The following GRIA1 variants were observed in gnomAD, a reference collection of about 807,000 sequenced individuals.
GRIA1 encodes the protein glutamate ionotropic receptor AMPA type subunit 1.
GRIA1 carries 31 observed loss-of-function variants against 99.2 expected under a neutral mutation model. The ratio of observed to expected loss-of-function variants is 0.31; its 90% CI spans 0.23 to 0.42. GRIA1 has a LOEUF of 0.42. GRIA1 is among the 10% of genes least tolerant of loss of function. The probability of loss-of-function intolerance (pLI) is 1.00; values close to 1 mark genes in which losing one functional copy is unlikely to be tolerated. For synonymous variants in GRIA1, 438 were observed against 432.4 expected (o/e 1.01, Z -0.16); for missense variants, 782 against 1,157.5 (o/e 0.68, Z 4.71).
At chr5:153,703,358 T>C in intron 10 of GRIA1, among the ~76,000 whole-genome samples, 1 of 152,364 alleles carries the variant, frequency 6.6e-6, no homozygotes, top group Admixed American at 6.5e-5. Flanking sequence ...AGCATGTTTA[T>C]TTTTATGTTA....
chr5:153,631,166 G>A (rs756045280), intron 2 of GRIA1, among the ~76,000 whole-genome samples: 2 of 152,298 alleles, frequency 1.3e-5, no homozygotes, highest in Middle Eastern at 3.4e-3. Flanking sequence ...TCAAAAATTT[G>A]TCCTAAAAGG....
chr5:153,569,025 A>C (rs1276930236), intron 2 of GRIA1, among the ~76,000 whole-genome samples: 1 of 152,136 alleles, frequency 6.6e-6, no homozygotes, highest in African/African-American at 2.4e-5. Flanking sequence ...TTGCCTACCC[A>C]GGTTCTACGG....
chr5:153,778,592 A>G (rs766928375), intron 13 of GRIA1, among the ~76,000 whole-genome samples: 3 of 151,884 alleles, frequency 2.0e-5, no homozygotes, highest in Non-Finnish European at 4.4e-5. Flanking sequence ...GTAAGGAGGG[A>G]AATTATGAGG....
At chr5:153,749,088 A>G (rs553401526) in intron 11 of GRIA1, among the ~76,000 whole-genome samples, 1 of 152,278 alleles carries the variant, frequency 6.6e-6, no homozygotes, top group African/African-American at 2.4e-5. Flanking sequence ...AGCAACGGAG[A>G]CAACCAGCAA....
At chr5:153,630,244 A>T (rs937850090) in intron 2 of GRIA1, among the ~76,000 whole-genome samples, 2 of 140,996 alleles carry the variant, frequency 1.4e-5, no homozygotes, top group Non-Finnish European at 3.2e-5. Flanking sequence ...TGTTAGAAAT[A>T]ATAATGATAA....
rs929722837 is a variant in GRIA1, at chr5:153,655,737, T to A, written c.646-82T>A. The A allele has an allele frequency of 1.0e-5, 12 of 1,162,118 alleles. No homozygotes were observed. In the Admixed American group the frequency reaches 1.5e-4, roughly 15 times the overall value. The allele number at this position is 1,162,118 out of a possible 1,614,324, so 72.0% of individuals were successfully genotyped here. On this transcript the variant is annotated intron_variant, in intron 4 of 15. Coordinates refer to ENST00000285900, the MANE Select transcript of GRIA1 (RefSeq NM_000827.4). ...GGTAGGGCACATTGTAAGCACTCGA[T>A]ATCAGCTGCCGTTATTACTGTTGTT...
intron 10 of GRIA1, among the ~76,000 whole-genome samples, chr5:153,704,658 C>T (rs2149519615): frequency 6.6e-6 from 1 of 152,248 alleles, no homozygotes; most frequent in African/African-American, 2.4e-5. Flanking sequence ...GCTATTATTC[C>T]CATGGTTCCC....
chr5:153,504,347 C>CAT (rs35701544), intron 2 of GRIA1, among the ~76,000 whole-genome samples: 30,786 of 149,322 alleles, frequency 0.21, 3,210 homozygotes, highest in Middle Eastern at 0.41. Flanking sequence ...GTCTATTAAG[C>CAT]ATATATATAT....
Position 153,734,897 on chromosome 5 carries a change from C to A in GRIA1, c.1823+28830C>A, listed in dbSNP as rs142165440. Among the ~76,000 whole-genome samples the A allele has an allele frequency of 8.5e-3, 1,295 of 152,232 alleles. 7 individuals are homozygous for A. Among genetic ancestry groups the A allele is most frequent in the South Asian group, 0.014 (67 of 4,824 alleles). ...GGGAAACCATTTAAAAGTTTCCAGC[C>A]AGAGAGCAATTTGATCTGATTTACA... On this transcript the variant is annotated intron_variant, in intron 11 of 15. Transcript: ENST00000285900.
intron 6 of GRIA1, among the ~76,000 whole-genome samples, chr5:153,676,065 G>C (rs1230493128): frequency 1.3e-5 from 2 of 152,104 alleles, no homozygotes; most frequent in Non-Finnish European, 2.9e-5. Flanking sequence ...CACCGTGTTA[G>C]CCAGGATGGT....
intron 3 of GRIA1, 78 bp from the exon 4 acceptor site, chr5:153,650,252 G>A (rs921100613): frequency 9.4e-6 from 12 of 1,275,764 alleles, no homozygotes; most frequent in African/African-American, 7.4e-5. Flanking sequence ...GCCAGGGGAG[G>A]TAGGTGCCTG....
intron 11 of GRIA1, among the ~76,000 whole-genome samples, chr5:153,741,104 G>C (rs1469725822): frequency 1.3e-5 from 2 of 150,376 alleles, no homozygotes; most frequent in Non-Finnish European, 2.9e-5. Context: ...AGCCTCCCGA[G>C]TAGCTGGGAC....
chr5:153,525,910 T>A (rs963615093), intron 2 of GRIA1, among the ~76,000 whole-genome samples: 1 of 152,228 alleles, frequency 6.6e-6, no homozygotes, highest in Non-Finnish European at 1.5e-5. Context: ...CGCAACTTTG[T>A]TATCTGTGAT....
At position 153,686,254 on chromosome 5, in the gene GRIA1, G is replaced by A. The variant is rs1475918155; in HGVS notation, c.1059G>A (p.Val353=). ...QVRFEGLTGN[V]QFNEKGRRTN... is the part of the protein sequence containing the mutation. ...GATTTGAAGGTTTAACAGGAAACGT[G>A]CAGTTTAATGAGAAAGGACGCCGGA... is the stretch of plus-strand genomic sequence containing the variant. Residue 353 remains valine, a synonymous_variant, in exon 8 of 16, where the codon GTG becomes GTA. Transcript: ENST00000285900. The A allele has an allele frequency of 5.6e-6, 9 of 1,613,958 alleles. No individual in the cohort carries two copies. In the East Asian group the frequency reaches 1.8e-4, roughly 32 times the overall value.
intron 2 of GRIA1, among the ~76,000 whole-genome samples, chr5:153,515,770 C>G (rs1756563005): frequency 6.6e-6 from 1 of 152,130 alleles, no homozygotes; most frequent in Non-Finnish European, 1.5e-5. Context: ...TTTAAAAAGG[C>G]TATTTTTCTT....
chr5:153,770,522 G>A (rs1263299389), intron 13 of GRIA1, 107 bp downstream of exon 13: 5 of 1,080,382 alleles, frequency 4.6e-6, no homozygotes, highest in Non-Finnish European at 6.8e-6. Context: ...GCAAGCTGTT[G>A]AGGGGGCTCT....
At chr5:153,716,681 C>G (rs1303461702) in intron 11 of GRIA1, among the ~76,000 whole-genome samples, 2 of 152,022 alleles carry the variant, frequency 1.3e-5, no homozygotes, top group African/African-American at 2.4e-5. Flanking sequence ...TCAGCTTCAG[C>G]TGGGAAGGGA....
intron 2 of GRIA1, among the ~76,000 whole-genome samples, chr5:153,606,835 A>T (rs940430597): frequency 6.6e-6 from 1 of 151,450 alleles, no homozygotes; most frequent in African/African-American, 2.4e-5. Flanking sequence ...TTCCTTGCCA[A>T]CTTGACCATA....
At chr5:153,749,092 C>G (rs188649763) in intron 11 of GRIA1, among the ~76,000 whole-genome samples, 87 of 152,180 alleles carry the variant, frequency 5.7e-4, no homozygotes, top group African/African-American at 2.0e-3. Context: ...ACGGAGACAA[C>G]CAGCAAAGAT....
Sources: gnomAD v4.1 joint callset for allele counts (sites outside exome capture counted in the v4.1 genomes callset) on GRCh38, gnomAD v4.1.1 for gene constraint, MANE v1.5 for transcripts, NCBI Gene and HGNC (gene_info 2026-07-23, HGNC 2026-07-21) for gene names.